Variants in SPDYE3 observed in about 807,000 individuals in gnomAD.
SPDYE3 encodes the protein speedy protein E3.
Under a neutral mutation model 55.0 loss-of-function variants are expected in SPDYE3, and 15 were observed. The observed-to-expected ratio is 0.27, with a 90% confidence interval of 0.18 to 0.42. The LOEUF is 0.42. SPDYE3 is among the 10% of genes least tolerant of loss of function. The pLI is 1.00. For synonymous variants in SPDYE3, 89 were observed against 229.9 expected (o/e 0.39, Z 5.55); for missense variants, 236 against 576.7 (o/e 0.41, Z 6.05).
rs1789578412 is a variant in SPDYE3 at position 100,321,354 on chromosome 7, G to A, written c.*509G>A. ...CATTTTATTGGTTTGTTTGGAAAATGTTGGCCATTGAATCATTAATAGGTT... is the reference window on the plus strand; with the variant it reads ...CATTTTATTGGTTTGTTTGGAAAATATTGGCCATTGAATCATTAATAGGTT... On this transcript the variant is annotated 3_prime_UTR_variant, in exon 11 of 11. Transcript: ENST00000332397. 2 of 304,672 alleles carry A rather than the reference G, an allele frequency of 6.6e-6. No individual in the cohort carries two copies. The highest frequency in any genetic ancestry group is 2.2e-5 in the African/African-American group (1 of 44,594). 18.9% of individuals were successfully genotyped at this position (304,672 alleles called of 1,614,324 possible).
chr7:100,315,843 G>C lies in SPDYE3; in HGVS notation c.1260G>C (p.Lys420Asn). The C allele has an allele frequency of 1.2e-6, 2 of 1,600,244 alleles. No homozygotes were observed. Among genetic ancestry groups the C allele is most frequent in the Non-Finnish European group, 1.7e-6 (2 of 1,179,718 alleles). ...AWDKDLRVSDKYLLAMVIAYF... is the reference protein window; with the variant it reads ...AWDKDLRVSDNYLLAMVIAYF... ...ACAAAGATCTGAGGGTGTCAGACAA[G>C]GTAAGGTTGTTCTCTATGTAACTGT... Residue 420 changes from lysine to asparagine, a missense_variant and splice_region_variant, in exon 7 of 11, where the codon AAG becomes AAC. Physicochemically the swap from Lys to Asn is moderately conservative, Grantham distance 94 (BLOSUM62 0). Transcript: ENST00000332397.
chr7:100,318,759 C>T (rs1265608400), intron 8 of SPDYE3, among the ~76,000 whole-genome samples: 1 of 148,912 alleles, frequency 6.7e-6, no homozygotes, highest in Non-Finnish European at 1.5e-5. Context: ...CTTGCCCTGT[C>T]CCCTAAGCTG....
intron 8 of SPDYE3, 107 bp from the exon 9 acceptor site, chr7:100,319,458 A>T: frequency 6.4e-7 from 1 of 1,568,986 alleles, no homozygotes; most frequent in Non-Finnish European, 8.6e-7. Flanking sequence ...GGTGGGTGCC[A>T]GTCCTGAGCT....
intron 1 of SPDYE3, 75 bp downstream of exon 1, chr7:100,308,066 A>T: frequency 6.9e-7 from 1 of 1,458,622 alleles, no homozygotes. Flanking sequence ...GCGGTAGCTC[A>T]CCCCTGTAAC....
chr7:100,319,170 C>G (rs1789514000), intron 8 of SPDYE3, among the ~76,000 whole-genome samples: 1 of 152,140 alleles, frequency 6.6e-6, no homozygotes, highest in Admixed American at 6.6e-5. Context: ...TTCAGCCTTC[C>G]AAAGTGCTGG....
chr7:100,315,979 T>G, intron 7 of SPDYE3, 136 bp downstream of exon 7: 1 of 1,377,876 alleles, frequency 7.3e-7, no homozygotes, highest in Non-Finnish European at 1.0e-6. Context: ...TTTGTTTTTG[T>G]TTTTTTTTGT....
chr7:100,308,511 C>T (rs1385958550), intron 1 of SPDYE3, among the ~76,000 whole-genome samples: 1 of 151,732 alleles, frequency 6.6e-6, no homozygotes, highest in Non-Finnish European at 1.5e-5. Flanking sequence ...GAGTTTGAGA[C>T]CAGCCTGGCC....
chr7:100,315,697 C>T, intron 6 of SPDYE3, 88 bp from the exon 7 acceptor site: 2 of 1,590,086 alleles, frequency 1.3e-6, no homozygotes, highest in Non-Finnish European at 1.7e-6. Flanking sequence ...AGACTTTCCC[C>T]CGGGAGGCAC....
In SPDYE3 at chr7:100,313,906, A is replaced by AAAG. The variant is rs766673198; in HGVS notation, c.982+557_982+559dup. On this transcript the variant is annotated intron_variant, in intron 5 of 10. Transcript: ENST00000332397. ...TGTCTCAAAAAAAAAAAAAAAAAAAAAAGAAGAAGAAAAAAAAGAAGGGTC... is the reference window on the plus strand; with the variant it reads ...TGTCTCAAAAAAAAAAAAAAAAAAAAAAGAAGAAGAAGAAAAAAAAGAAGGGTC... 5.2e-3 allele frequency among the ~76,000 whole-genome samples: 333 copies of AAAG among 64,214 alleles called. 1 individual carries two copies. Among genetic ancestry groups the AAAG allele is most frequent in the Non-Finnish European group, 8.8e-3 (267 of 30,352 alleles). 42.1% of individuals were successfully genotyped at this position (64,214 alleles called of 152,430 possible).
chr7:100,320,137 C>A lies in SPDYE3; in HGVS notation c.*45+102C>A, dbSNP rs888475463. On this transcript the variant is annotated intron_variant, in intron 10 of 10. Transcript: ENST00000332397. The stretch of plus-strand genomic sequence containing the variant: ...CTGGCTTCAAGCCTCGGCAACGTGG[C>A]GAGATATCCCCTCTCCACAAAAATA... 3.2e-6 allele frequency: 5 copies of A among 1,542,750 alleles called. No individual in the cohort carries two copies. In the African/African-American group the frequency reaches 6.8e-5, roughly 21 times the overall value.
chr7:100,315,960 TTTTTTGTTTTTG>T lies in SPDYE3; in HGVS notation c.1260+129_1260+140del, dbSNP rs899626748. 2.6e-6 allele frequency: 4 copies of T among 1,530,926 alleles called. No individual in the cohort carries two copies. The African/African-American group carries it at 5.5e-5, about 21-fold the overall frequency. The allele number at this position is 1,530,926 out of a possible 1,614,324, so 94.8% of individuals were successfully genotyped here. A position where few individuals can be genotyped will look rare whatever the true frequency, so the allele number is the denominator to read the frequency against. On this transcript the variant is annotated intron_variant, in intron 7 of 10. Transcript: ENST00000332397. ...CCTCCCACCAGATGCTCCTACAGTT[TTTTTTGTTTTTG>T]TTTTTGTTTTTTTTTGTGAGACACA... is the stretch of plus-strand genomic sequence containing the variant.
In SPDYE3 at chr7:100,319,917, A is replaced by G. The variant is rs762608726; in HGVS notation, c.1591-14A>G. 7.6e-6 allele frequency: 12 copies of G among 1,586,904 alleles called. No homozygotes were observed. The highest frequency in any genetic ancestry group is 6.8e-5 in the African/African-American group (5 of 73,594). ...GGGAGTCCCCGTCTTCTCAAAGCGC[A>G]TTTGTTTTTCCAGATCCAGGCTTAT... On this transcript the variant is annotated splice_polypyrimidine_tract_variant and intron_variant, in intron 9 of 10. Transcript: ENST00000332397.
In SPDYE3 at chr7:100,315,784, G is replaced by T; in HGVS notation, c.1202-1G>T. 6.3e-7 allele frequency: 1 copy of T among 1,598,882 alleles called. No homozygotes were observed. Among genetic ancestry groups the T allele is most frequent in the Non-Finnish European group, 8.5e-7 (1 of 1,179,718 alleles). Reference sequence around the variant, plus strand: ...CGCTGACATCTGCTCTCTAATCACAGAGGATCCTGTCATTAAAAGATTCCT... The same window carrying T: ...CGCTGACATCTGCTCTCTAATCACATAGGATCCTGTCATTAAAAGATTCCT... On this transcript the variant is annotated splice_acceptor_variant, in intron 6 of 10. Transcript: ENST00000332397. LOFTEE classifies it high-confidence loss of function.
At chr7:100,308,713 C>CAAAAAA in intron 1 of SPDYE3, among the ~76,000 whole-genome samples, 1 of 119,292 alleles carries the variant, frequency 8.4e-6, no homozygotes, top group East Asian at 2.4e-4. Flanking sequence ...TGTCTCGAAA[C>CAAAAAA]AAAAAAAAAA....
intron 8 of SPDYE3, among the ~76,000 whole-genome samples, chr7:100,318,757 G>T: frequency 7.2e-6 from 1 of 139,762 alleles, no homozygotes. Flanking sequence ...GACTTGCCCT[G>T]TCCCCTAAGC....
chr7:100,319,496 G>A, intron 8 of SPDYE3, 69 bp from the exon 9 acceptor site: 1 of 1,610,470 alleles, frequency 6.2e-7, no homozygotes, highest in Non-Finnish European at 8.5e-7. Flanking sequence ...TTCCTCTCTG[G>A]GAAGCTGACC....
chr7:100,315,720 T>C, intron 6 of SPDYE3, 65 bp from the exon 7 acceptor site: 12 of 1,596,510 alleles, frequency 7.5e-6, no homozygotes, highest in Non-Finnish European at 1.0e-5. Flanking sequence ...TTCTCCTCAC[T>C]GCCCTGCTGC....
rs1284365807 is a variant in SPDYE3, at chr7:100,307,764, T to C, written c.-122T>C. 2.8e-6 allele frequency: 4 copies of C among 1,425,566 alleles called. No individual in the cohort carries two copies. Among genetic ancestry groups the C allele is most frequent in the Non-Finnish European group, 3.7e-6 (4 of 1,078,774 alleles). 88.3% of individuals were successfully genotyped at this position (1,425,566 alleles called of 1,614,324 possible). A position where few individuals can be genotyped will look rare whatever the true frequency, so the allele number is the denominator to read the frequency against. On this transcript the variant is annotated 5_prime_UTR_variant, in exon 1 of 11. Transcript: ENST00000332397. The stretch of plus-strand genomic sequence containing the variant: ...ACTTCTCAGAGCTGTTCTCCACTCC[T>C]GACTTCTCCCAGCCTCGAGAATTGA...
At chr7:100,308,112 C>A (rs2129952710) in intron 1 of SPDYE3, 121 bp downstream of exon 1, 1 of 1,298,426 alleles carries the variant, frequency 7.7e-7, no homozygotes, top group African/African-American at 1.5e-5. Flanking sequence ...GGCAGATCAC[C>A]TGAGGTCAGC....
Sources: allele counts gnomAD v4.1 joint callset (sites outside exome capture counted in the v4.1 genomes callset), GRCh38; gene constraint gnomAD v4.1.1; transcripts MANE v1.5; gene names NCBI Gene and HGNC (gene_info 2026-07-23, HGNC 2026-07-21).